GLIS3: variants seen among roughly 807,000 people sequenced by gnomAD.
GLIS3 encodes zinc finger protein GLIS3.
Under a neutral mutation model 78.6 loss-of-function variants are expected in GLIS3, and 53 were observed. The ratio of observed to expected loss-of-function variants is 0.67; its 90% confidence interval spans 0.54 to 0.85. The LOEUF is 0.85. GLIS3 is among the 40% of genes least tolerant of loss of function. GLIS3 has a pLI of 0.00. For synonymous variants in GLIS3, 684 were observed against 509.9 expected (o/e 1.34, Z -4.60); for missense variants, 1,703 against 1,231.1 (o/e 1.38, Z -5.74).
At chr9:3,887,571 C>T (rs1588154282) in intron 7 of GLIS3, among the ~76,000 whole-genome samples, 1 of 152,214 alleles carries the variant, frequency 6.6e-6, no homozygotes, top group African/African-American at 2.4e-5. Flanking sequence ...GAGCTCCAAA[C>T]TTCTGCGTAG....
At chr9:4,280,903 T>C (rs1302772066) in intron 2 of GLIS3, among the ~76,000 whole-genome samples, 3 of 152,112 alleles carry the variant, frequency 2.0e-5, no homozygotes, top group Non-Finnish European at 4.4e-5. Context: ...GTCTTCTCTG[T>C]ATAATAAAAA....
At chr9:3,970,690 G>C (rs1818315347) in intron 4 of GLIS3, among the ~76,000 whole-genome samples, 2 of 152,178 alleles carry the variant, frequency 1.3e-5, no homozygotes, top group African/African-American at 4.8e-5. Context: ...CAGCAGAGCA[G>C]AAACTGAGAT....
chr9:4,328,388 G>A (rs1415555852), intron 2 of GLIS3, among the ~76,000 whole-genome samples: 2 of 152,168 alleles, frequency 1.3e-5, no homozygotes, highest in Non-Finnish European at 2.9e-5. Flanking sequence ...AGGTGTTCAT[G>A]GCTCAGAGAG....
intron 2 of GLIS3, among the ~76,000 whole-genome samples, chr9:4,148,113 A>G (rs900609642): frequency 6.6e-6 from 1 of 152,124 alleles, no homozygotes; most frequent in Non-Finnish European, 1.5e-5. Context: ...GGTTAACTAC[A>G]CAAAGGAGTT....
At chr9:4,188,447 C>G (rs1818012127) in intron 2 of GLIS3, among the ~76,000 whole-genome samples, 1 of 149,614 alleles carries the variant, frequency 6.7e-6, no homozygotes, top group Non-Finnish European at 1.5e-5. Flanking sequence ...GGATATTGGT[C>G]TAAAATTCTC....
chr9:4,138,509 A>G (rs1833572920), intron 2 of GLIS3, among the ~76,000 whole-genome samples: 1 of 152,194 alleles, frequency 6.6e-6, no homozygotes, highest in Non-Finnish European at 1.5e-5. Flanking sequence ...ACTTCATCTG[A>G]GCCTTTTAAT....
At chr9:3,942,325 T>C (rs1227335016) in intron 4 of GLIS3, among the ~76,000 whole-genome samples, 1 of 152,132 alleles carries the variant, frequency 6.6e-6, no homozygotes, top group Non-Finnish European at 1.5e-5. Flanking sequence ...ATTAATCCCA[T>C]TAGTGATGGC....
intron 2 of GLIS3, among the ~76,000 whole-genome samples, chr9:4,231,153 T>G (rs1248538568): frequency 3.3e-5 from 5 of 152,010 alleles, no homozygotes; most frequent in Admixed American, 6.6e-5. Context: ...AATTATAAAT[T>G]TATGAAAATT....
chr9:4,115,949 A>G (rs1831604782), intron 4 of GLIS3, among the ~76,000 whole-genome samples: 1 of 152,234 alleles, frequency 6.6e-6, no homozygotes, highest in African/African-American at 2.4e-5. Context: ...CAATACAATG[A>G]GAAGCTATGC....
chr9:3,867,670 C>T (rs753050178), intron 8 of GLIS3, among the ~76,000 whole-genome samples: 1 of 152,154 alleles, frequency 6.6e-6, no homozygotes, highest in Non-Finnish European at 1.5e-5. Context: ...CTGTACTGCT[C>T]ACAACATTGA....
intron 4 of GLIS3, among the ~76,000 whole-genome samples, chr9:3,958,480 A>T (rs1422864302): frequency 6.6e-6 from 1 of 152,204 alleles, no homozygotes; most frequent in Admixed American, 6.5e-5. Flanking sequence ...AGACTGATGT[A>T]CCTACAAATC....
the GLIS3 span, among the ~76,000 whole-genome samples, chr9:4,454,564 G>A: frequency 6.6e-6 from 1 of 152,174 alleles, no homozygotes; most frequent in African/African-American, 2.4e-5. Context: ...GAGGGAGGAT[G>A]AAAGGGTAAA....
At chr9:4,320,546 C>G (rs188598528) in intron 2 of GLIS3, among the ~76,000 whole-genome samples, 2 of 152,170 alleles carry the variant, frequency 1.3e-5, no homozygotes, top group African/African-American at 4.8e-5. Context: ...CTTAAATATT[C>G]TCAAATCTGT....
intron 6 of GLIS3, among the ~76,000 whole-genome samples, chr9:3,926,295 A>G (rs113484468): frequency 6.7e-5 from 10 of 149,552 alleles, no homozygotes; most frequent in African/African-American, 2.2e-4. Flanking sequence ...CAGTGGTGCA[A>G]TCTCTGCTCA....
chr9:4,283,055 A>T (rs1044389149), intron 2 of GLIS3, among the ~76,000 whole-genome samples: 9 of 150,316 alleles, frequency 6.0e-5, no homozygotes, highest in African/African-American at 2.0e-4. Flanking sequence ...TAAGTCCCAG[A>T]CAACCCCCTC....
rs1482367280 is a variant in GLIS3, at chr9:4,041,699, C to T, written c.1710+76069G>A. 3.3e-5 allele frequency among the ~76,000 whole-genome samples: 5 copies of T among 152,236 alleles called. No individual in the cohort carries two copies. The East Asian group carries it at 7.7e-4, about 24-fold the overall frequency. On this transcript the variant is annotated intron_variant, in intron 4 of 10. Transcript: ENST00000381971. ...CTCTGGAATCTAACGTCACAAAGTC[C>T]CTGACTCTCTGAAAACGTGAAGCTC... is the stretch of plus-strand genomic sequence containing the variant.
chr9:4,403,467 C>G, the GLIS3 span, among the ~76,000 whole-genome samples: 1 of 152,122 alleles, frequency 6.6e-6, no homozygotes, highest in African/African-American at 2.4e-5. Context: ...AGTAGAAAGA[C>G]TAAATGATGA....
At chr9:4,317,873 G>T (rs1817464772) in intron 2 of GLIS3, among the ~76,000 whole-genome samples, 1 of 152,152 alleles carries the variant, frequency 6.6e-6, no homozygotes, top group Non-Finnish European at 1.5e-5. Context: ...CCAAGCAGAT[G>T]GAAGTTATTA....
At chr9:4,324,814 G>C (rs1023163133) in intron 2 of GLIS3, among the ~76,000 whole-genome samples, 16 of 152,106 alleles carry the variant, frequency 1.1e-4, no homozygotes, top group African/African-American at 2.2e-4. Context: ...CTTGTTTCAA[G>C]TTTCCAAAAA....
Sources: gnomAD v4.1 joint callset for allele counts (sites outside exome capture counted in the v4.1 genomes callset) on GRCh38, gnomAD v4.1.1 for gene constraint, MANE v1.5 for transcripts, NCBI Gene and HGNC (gene_info 2026-07-23, HGNC 2026-07-21) for gene names.